CBLB: variants seen among roughly 807,000 people sequenced by gnomAD.
CBLB encodes E3 ubiquitin-protein ligase CBL-B.
CBLB carries 31 observed loss-of-function variants against 104.9 expected under a neutral mutation model. The observed-to-expected ratio is 0.30, with a 90% CI of 0.22 to 0.40. The LOEUF (loss-of-function observed/expected upper bound fraction) is 0.40, where lower values mean the gene tolerates loss of function less well. Ranked by LOEUF, CBLB falls within the 10% of genes least tolerant of loss-of-function variation. The pLI is 1.00. For missense variants in CBLB, 1,062 were observed against 1,214.6 expected (o/e 0.87, Z 1.87); for synonymous variants, 440 against 422.6 (o/e 1.04, Z -0.51).
At chr3:105,855,748 T>C (rs2091521869) in intron 2 of CBLB, among the ~76,000 whole-genome samples, 1 of 152,218 alleles carries the variant, frequency 6.6e-6, no homozygotes, top group African/African-American at 2.4e-5. Flanking sequence ...AGATTATTTC[T>C]CTAATCACTT....
At chr3:105,761,363 T>C (rs1227026140) in intron 4 of CBLB, among the ~76,000 whole-genome samples, 1 of 152,194 alleles carries the variant, frequency 6.6e-6, no homozygotes, top group African/African-American at 2.4e-5. Flanking sequence ...TGATATGGTT[T>C]GGCTGTTTCC....
chr3:105,852,111 T>C (rs904128205), intron 3 of CBLB, among the ~76,000 whole-genome samples: 2 of 152,222 alleles, frequency 1.3e-5, no homozygotes, highest in African/African-American at 2.4e-5. Flanking sequence ...GGGTATTCCT[T>C]CTACTTATTA....
At chr3:105,759,951 G>C (rs6437612) in intron 4 of CBLB, among the ~76,000 whole-genome samples, 89,508 of 152,112 alleles carry the variant, frequency 0.59, 26,606 homozygotes, top group Middle Eastern at 0.71. Context: ...CACTCCAGAT[G>C]GGCAGCTGGG....
At chr3:105,741,840 T>C (rs2075628683) in intron 6 of CBLB, among the ~76,000 whole-genome samples, 1 of 152,228 alleles carries the variant, frequency 6.6e-6, no homozygotes, top group African/African-American at 2.4e-5. Context: ...AAATAGTAAC[T>C]TTTCTTTCAG....
intron 13 of CBLB, among the ~76,000 whole-genome samples, chr3:105,692,001 T>C (rs966425173): frequency 3.9e-5 from 6 of 152,180 alleles, no homozygotes; most frequent in African/African-American, 1.4e-4. Context: ...TGCACACCAT[T>C]CTCTAATGAT....
At chr3:105,694,864 T>G (rs1338267373) in intron 12 of CBLB, among the ~76,000 whole-genome samples, 2 of 151,834 alleles carry the variant, frequency 1.3e-5, no homozygotes, top group Non-Finnish European at 3.0e-5. Flanking sequence ...GGCTTTTGAC[T>G]GTGGCCAAAT....
intron 8 of CBLB, among the ~76,000 whole-genome samples, chr3:105,736,528 T>C (rs896089114): frequency 6.6e-6 from 1 of 152,146 alleles, no homozygotes; most frequent in Non-Finnish European, 1.5e-5. Context: ...AGAACAGTAG[T>C]CTATTTTATT....
intron 11 of CBLB, 32 bp from the exon 12 acceptor site, chr3:105,702,491 A>AAAAAAAAAAAAAAAAAAC: frequency 6.8e-7 from 1 of 1,477,698 alleles, no homozygotes; most frequent in South Asian, 1.3e-5. Flanking sequence ...AAAAAAAAAA[A>AAAAAAAAAAAAAAAAAAC]AAAAAAAACT....
intron 3 of CBLB, among the ~76,000 whole-genome samples, chr3:105,803,009 T>C (rs1303221762): frequency 3.3e-5 from 5 of 152,200 alleles, no homozygotes; most frequent in Admixed American, 1.3e-4. Flanking sequence ...ACCCGTAGTG[T>C]TGATGAAAAT....
intron 5 of CBLB, 76 bp from the exon 6 acceptor site, chr3:105,746,114 T>C: frequency 2.1e-6 from 2 of 958,780 alleles, no homozygotes; most frequent in Non-Finnish European, 3.2e-6. Flanking sequence ...GAACCATATT[T>C]AATACACTTA....
In CBLB at chr3:105,751,611, C is replaced by T. The variant is rs774346321; in HGVS notation, c.574G>A (p.Val192Ile). ...CACTGTCTGAATACTTTCCATGGTA[C>T]GATAGTTCTGTGCAAGGTGGAAAAA... is the stretch of plus-strand genomic sequence containing the variant. ...WRKFFGDKTI[V>I]PWKVFRQCLH... The change falls in exon 5 of 19, where the codon GTA (valine) becomes ATA (isoleucine). Residue 192 changes from valine (V) to isoleucine (I), a missense_variant. Physicochemically the swap from Val to Ile is conservative, Grantham distance 29. Coordinates refer to ENST00000394030, the MANE Select transcript of CBLB (RefSeq NM_170662.5). 2.2e-5 allele frequency: 35 copies of T among 1,612,958 alleles called. No individual in the cohort carries two copies. In the Middle Eastern group the frequency reaches 4.9e-4, roughly 23 times the overall value.
chr3:105,695,573 T>A (rs2068262859), intron 12 of CBLB, among the ~76,000 whole-genome samples: 4 of 151,868 alleles, frequency 2.6e-5, no homozygotes. Flanking sequence ...CTAAGAAAAT[T>A]AAGTGACTTA....
intron 3 of CBLB, among the ~76,000 whole-genome samples, chr3:105,784,918 C>T (rs964386102): frequency 6.6e-6 from 1 of 152,158 alleles, no homozygotes; most frequent in South Asian, 2.1e-4. Context: ...ATTCGTTCAC[C>T]CTACTCTGAT....
At chr3:105,807,335 T>C (rs1269935894) in intron 3 of CBLB, among the ~76,000 whole-genome samples, 2 of 152,174 alleles carry the variant, frequency 1.3e-5, no homozygotes, top group East Asian at 3.8e-4. Flanking sequence ...GATGGGAGGA[T>C]CACCTGAGCC....
In CBLB at chr3:105,746,864, T is replaced by C. The variant is rs148156634; in HGVS notation, c.724-826A>G. On this transcript the variant is annotated intron_variant, in intron 5 of 18. Coordinates refer to ENST00000394030, the MANE Select transcript of CBLB (RefSeq NM_170662.5). ...CAGGACCAATGCAAGTGTCAGATAA[T>C]AGTAATCAGCCAGGGATAATTGTCA... Among the ~76,000 whole-genome samples the C allele has an allele frequency of 7.5e-3, 1,135 of 152,326 alleles. 19 individuals are homozygous for C. The highest frequency in any genetic ancestry group is 0.025 in the African/African-American group (1,055 of 41,568).
intron 17 of CBLB, chr3:105,671,190 A>C (rs1231726037): frequency 5.0e-6 from 1 of 198,520 alleles, no homozygotes; most frequent in African/African-American, 2.3e-5. Context: ...AAATTCTTAG[A>C]GAATTGATTC....
At chr3:105,762,710 T>C (rs1353255154) in intron 4 of CBLB, among the ~76,000 whole-genome samples, 1 of 152,224 alleles carries the variant, frequency 6.6e-6, no homozygotes, top group Non-Finnish European at 1.5e-5. Flanking sequence ...AGACATCTGC[T>C]GCAGGGGCAG....
intron 3 of CBLB, among the ~76,000 whole-genome samples, chr3:105,851,906 T>C (rs1350764685): frequency 6.6e-6 from 1 of 152,146 alleles, no homozygotes; most frequent in Non-Finnish European, 1.5e-5. Flanking sequence ...GTCATAGTCA[T>C]CACAAGGTCA....
chr3:105,777,402 T>G (rs752812037), intron 3 of CBLB, among the ~76,000 whole-genome samples: 2 of 152,188 alleles, frequency 1.3e-5, no homozygotes, highest in Non-Finnish European at 2.9e-5. Context: ...ATTGGGAGGC[T>G]GAGGTGGCCA....
Sources: allele counts gnomAD v4.1 joint callset (sites outside exome capture counted in the v4.1 genomes callset), GRCh38; gene constraint gnomAD v4.1.1; transcripts MANE v1.5; gene names NCBI Gene and HGNC (gene_info 2026-07-23, HGNC 2026-07-21).